Variants in LRRC28 observed in about 807,000 individuals in gnomAD.
The protein encoded by LRRC28 is leucine-rich repeat-containing protein 28.
In LRRC28, 39 loss-of-function variants were observed where a neutral mutation model predicts 45.7. The ratio of observed to expected loss-of-function variants is 0.85; its 90% confidence interval spans 0.66 to 1.12. The LOEUF (loss-of-function observed/expected upper bound fraction) is 1.12. Among genes scored for constraint, LRRC28 ranks in the 50% most tolerant of loss-of-function variants. LRRC28 has a pLI of 0.00. For missense variants in LRRC28, 435 were observed against 438.5 expected (o/e 0.99, Z 0.07); for synonymous variants, 206 against 178.8 (o/e 1.15, Z -1.22).
chr15:99,382,335 A>G (rs558417899), intron 9 of LRRC28, among the ~76,000 whole-genome samples: 207 of 152,336 alleles, frequency 1.4e-3, no homozygotes, highest in African/African-American at 4.1e-3. Context: ...CCAGCCAGGC[A>G]TGGGATATAA....
chr15:99,327,323 C>T (rs1597354417), intron 5 of LRRC28, among the ~76,000 whole-genome samples: 1 of 152,140 alleles, frequency 6.6e-6, no homozygotes, highest in Non-Finnish European at 1.5e-5. Context: ...GATCCACCCA[C>T]CTCCCAAAAT....
intron 6 of LRRC28, among the ~76,000 whole-genome samples, chr15:99,334,649 ACTG>A (rs1377440305): frequency 6.6e-6 from 1 of 152,292 alleles, no homozygotes; most frequent in African/African-American, 2.4e-5. Flanking sequence ...TATATTATCC[ACTG>A]TAGAGTTCTG....
intron 7 of LRRC28, among the ~76,000 whole-genome samples, chr15:99,358,944 C>T (rs566882967): frequency 9.9e-5 from 15 of 151,912 alleles, no homozygotes; most frequent in South Asian, 2.1e-4. Flanking sequence ...GACGTGGTGG[C>T]GGGTGCCTGT....
chr15:99,358,069 CAA>C (rs34605943), intron 7 of LRRC28, among the ~76,000 whole-genome samples: 1 of 151,564 alleles, frequency 6.6e-6, no homozygotes, highest in Non-Finnish European at 1.5e-5. Context: ...GATATGCTAC[CAA>C]AAAAAATCTT....
chr15:99,295,432 T>G (rs1253760880), intron 5 of LRRC28, among the ~76,000 whole-genome samples: 1 of 152,210 alleles, frequency 6.6e-6, no homozygotes, highest in African/African-American at 2.4e-5. Flanking sequence ...AAAGGATTGT[T>G]GGGGAAAGGC....
intron 5 of LRRC28, among the ~76,000 whole-genome samples, chr15:99,288,945 G>A (rs2082037046): frequency 6.6e-6 from 1 of 152,146 alleles, no homozygotes; most frequent in African/African-American, 2.4e-5. Flanking sequence ...CTCCCAAAGT[G>A]TTGGGATTAT....
chr15:99,364,608 T>A (rs1957292851), intron 9 of LRRC28, among the ~76,000 whole-genome samples: 1 of 152,204 alleles, frequency 6.6e-6, no homozygotes, highest in South Asian at 2.1e-4. Context: ...TAGATACGTT[T>A]ATGAGAATCT....
chr15:99,340,276 C>G (rs1956464288), intron 6 of LRRC28, among the ~76,000 whole-genome samples: 1 of 152,216 alleles, frequency 6.6e-6, no homozygotes, highest in Admixed American at 6.5e-5. Context: ...GTTTTAGAAA[C>G]TAGCTCCTAG....
intron 6 of LRRC28, among the ~76,000 whole-genome samples, chr15:99,341,634 T>G (rs1452780208): frequency 1.3e-5 from 2 of 152,116 alleles, no homozygotes; most frequent in Non-Finnish European, 2.9e-5. Context: ...TGGGACATGA[T>G]TAATGTGAAG....
chr15:99,264,392 G>T (rs182012603), intron 2 of LRRC28, among the ~76,000 whole-genome samples: 7 of 152,254 alleles, frequency 4.6e-5, no homozygotes, highest in Admixed American at 2.6e-4. Flanking sequence ...AGCGGGGAGT[G>T]GGGGGTGGAA....
At chr15:99,361,260 T>C in intron 7 of LRRC28, 76 bp from the exon 8 acceptor site, 1 of 1,478,432 alleles carries the variant, frequency 6.8e-7, no homozygotes, top group South Asian at 1.4e-5. Flanking sequence ...ATGTATATTT[T>C]GATTAACACA....
At position 99,369,372 on chromosome 15, in the gene LRRC28, C is replaced by T. The variant is rs532051300; in HGVS notation, c.1031+6107C>T. On this transcript the variant is annotated intron_variant, in intron 9 of 9. Transcript: ENST00000301981. ...CACTTCCTGATAGCAAAATTTCTCA[C>T]ATTGAAAGAGAGAGAATGACTGATT... Among the ~76,000 whole-genome samples, 5 of 152,200 alleles carry T rather than the reference C, an allele frequency of 3.3e-5. No individual in the cohort carries two copies. The South Asian group carries it at 8.3e-4, about 25-fold the overall frequency.
At chr15:99,362,627 CT>C (rs1957234938) in intron 8 of LRRC28, among the ~76,000 whole-genome samples, 4 of 152,162 alleles carry the variant, frequency 2.6e-5, no homozygotes, top group Admixed American at 6.5e-5. Flanking sequence ...ATTTTTCATT[CT>C]TTTTTTATTT....
intron 2 of LRRC28, among the ~76,000 whole-genome samples, chr15:99,263,547 A>G (rs2081256742): frequency 6.6e-6 from 1 of 152,206 alleles, no homozygotes; most frequent in African/African-American, 2.4e-5. Context: ...AAATGAATAT[A>G]AAGTAGAATT....
intron 9 of LRRC28, among the ~76,000 whole-genome samples, chr15:99,380,985 T>C (rs1957803793): frequency 1.3e-5 from 2 of 152,230 alleles, no homozygotes; most frequent in African/African-American, 2.4e-5. Context: ...CATTTCAACT[T>C]TGGTGAATCT....
intron 3 of LRRC28, among the ~76,000 whole-genome samples, chr15:99,277,632 C>T (rs2081653723): frequency 6.6e-6 from 1 of 152,070 alleles, no homozygotes; most frequent in South Asian, 2.1e-4. Context: ...ATTATTTGCT[C>T]TTGATTAGAT....
chr15:99,344,051 G>C (rs541264060), intron 6 of LRRC28, among the ~76,000 whole-genome samples: 14 of 152,262 alleles, frequency 9.2e-5, no homozygotes, highest in African/African-American at 3.4e-4. Context: ...TAAAACAGCA[G>C]AGCTGCCTGG....
At chr15:99,304,389 T>G (rs141109222) in intron 5 of LRRC28, among the ~76,000 whole-genome samples, 345 of 152,250 alleles carry the variant, frequency 2.3e-3, no homozygotes, top group African/African-American at 7.5e-3. Flanking sequence ...AAACTTATTT[T>G]TCCTTTTTCC....
At position 99,255,976 on chromosome 15, in the gene LRRC28, A is replaced by G. The variant is rs557639211; in HGVS notation, c.19A>G (p.Lys7Glu). 6.2e-7 allele frequency: 1 copy of G among 1,612,508 alleles called. No homozygotes were observed. Among genetic ancestry groups the G allele is most frequent in the East Asian group, 2.2e-5 (1 of 44,862 alleles). Reference protein sequence around the residue: MASELCKTISVARLEKH... With the variant: MASELCETISVARLEKH... ...TTCAGTCATGGCGTCCGAACTTTGT[A>G]AGACGATCTCTGTGGCAAGGCTAGA... The change falls in exon 2 of 10, where the codon AAG becomes GAG. Residue 7 changes from lysine (K) to glutamate (E), a missense_variant. By Grantham distance (56) the Lys-to-Glu change is moderately conservative (BLOSUM62 1). Transcript: ENST00000301981.
Sources: allele counts gnomAD v4.1 joint callset (sites outside exome capture counted in the v4.1 genomes callset), GRCh38; gene constraint gnomAD v4.1.1; transcripts MANE v1.5; gene names NCBI Gene and HGNC (gene_info 2026-07-23, HGNC 2026-07-21).